FHIT: variants seen among roughly 807,000 people sequenced by gnomAD.
FHIT encodes the protein bis(5'-adenosyl)-triphosphatase.
A neutral mutation model predicts 17.9 loss-of-function variants in FHIT; 19 were observed. The ratio of observed to expected loss-of-function variants is 1.06; its 90% confidence interval spans 0.74 to 1.56. The LOEUF (loss-of-function observed/expected upper bound fraction) is 1.56, where lower values mean the gene tolerates loss of function less well. FHIT is among the 40% of genes most tolerant of loss of function. FHIT has a pLI of 0.00. For synonymous variants in FHIT, 81 were observed against 69.7 expected, an observed-to-expected ratio of 1.16 and a Z score of -0.81; for missense variants, 248 against 189.2, an observed-to-expected ratio of 1.31 and a Z score of -1.82.
chr3:60,403,634 G>A (rs749451688), intron 5 of FHIT, among the ~76,000 whole-genome samples: 10 of 152,068 alleles, frequency 6.6e-5, no homozygotes, highest in Admixed American at 2.0e-4. Context: ...TCCAGAAAGC[G>A]TCCTGCCCCA....
intron 4 of FHIT, chr3:60,690,331 C>T (rs1321624861): frequency 3.5e-6 from 2 of 567,978 alleles, no homozygotes; most frequent in Non-Finnish European, 6.9e-6. Flanking sequence ...TTTCACCCTG[C>T]CAAAGACCAC....
chr3:60,297,452 CAT>C (rs1317451632), intron 5 of FHIT, among the ~76,000 whole-genome samples: 1 of 151,918 alleles, frequency 6.6e-6, no homozygotes, highest in African/African-American at 2.4e-5. Flanking sequence ...TATAAATAAA[CAT>C]AGTTGGTTTC....
intron 5 of FHIT, among the ~76,000 whole-genome samples, chr3:60,281,422 A>G (rs771538531): frequency 2.6e-5 from 4 of 152,176 alleles, no homozygotes; most frequent in African/African-American, 7.2e-5. Flanking sequence ...ATACTACTCA[A>G]CTTTAAGACT....
intron 7 of FHIT, among the ~76,000 whole-genome samples, chr3:59,946,291 T>C (rs574005559): frequency 1.9e-4 from 29 of 152,204 alleles, no homozygotes; most frequent in Non-Finnish European, 4.0e-4. Context: ...CTATTGTGAA[T>C]GGGACTGCAT....
At chr3:60,127,598 AT>A (rs922211109) in intron 5 of FHIT, among the ~76,000 whole-genome samples, 1 of 152,034 alleles carries the variant, frequency 6.6e-6, no homozygotes, top group African/African-American at 2.4e-5. Flanking sequence ...CATTTTATTT[AT>A]TTTTTATATC....
At chr3:60,402,076 T>G (rs1701679276) in intron 5 of FHIT, among the ~76,000 whole-genome samples, 1 of 152,106 alleles carries the variant, frequency 6.6e-6, no homozygotes, top group South Asian at 2.1e-4. Context: ...GGCTATTGTT[T>G]CCCCCATCCC....
At chr3:61,175,999 C>T (rs935141257) in intron 2 of FHIT, among the ~76,000 whole-genome samples, 1 of 152,236 alleles carries the variant, frequency 6.6e-6, no homozygotes, top group Non-Finnish European at 1.5e-5. Flanking sequence ...GATCTTTTCT[C>T]ATCTTTGCAT....
At chr3:60,124,273 G>C (rs1269233375) in intron 5 of FHIT, among the ~76,000 whole-genome samples, 1 of 151,444 alleles carries the variant, frequency 6.6e-6, no homozygotes. Flanking sequence ...AGACCAGTTT[G>C]AAGACTAGCC....
In FHIT at chr3:60,718,779, A is replaced by G. The variant is rs114395482; in HGVS notation, c.-18+103140T>C. ...TAAGGTCCAATTAATTTGAAAACTC[A>G]TGAGTTATATAGAATTAAACAAATT... On this transcript the variant is annotated intron_variant, in intron 4 of 9. Coordinates refer to ENST00000492590, the MANE Select transcript of FHIT (RefSeq NM_002012.4). Among the ~76,000 whole-genome samples, 486 of 152,358 alleles carry G rather than the reference A, an allele frequency of 3.2e-3. 4 individuals carry two copies. The highest frequency in any genetic ancestry group is 0.011 in the African/African-American group (465 of 41,582).
intron 4 of FHIT, chr3:60,690,519 G>A: frequency 1.8e-6 from 1 of 561,418 alleles, no homozygotes; most frequent in Admixed American, 1.9e-5. Flanking sequence ...TATGGCATGT[G>A]AAGTCACCAC....
intron 5 of FHIT, among the ~76,000 whole-genome samples, chr3:60,072,111 A>G (rs536938713): frequency 1.3e-5 from 2 of 152,358 alleles, no homozygotes; most frequent in South Asian, 4.1e-4. Context: ...GTAGGAAGGA[A>G]AGACAAAGGT....
At chr3:59,843,668 A>C (rs1369275048) in intron 8 of FHIT, among the ~76,000 whole-genome samples, 1 of 151,840 alleles carries the variant, frequency 6.6e-6, no homozygotes, top group Non-Finnish European at 1.5e-5. Context: ...TTAATTCTCA[A>C]TTTTCTTTTC....
intron 3 of FHIT, among the ~76,000 whole-genome samples, chr3:60,859,852 T>G (rs1221398876): frequency 7.1e-6 from 1 of 140,442 alleles, no homozygotes; most frequent in Non-Finnish European, 1.5e-5. Context: ...AAGACCAGCC[T>G]GGCCAACATG....
chr3:59,802,688 T>C (rs955268805), intron 8 of FHIT, among the ~76,000 whole-genome samples: 29 of 152,192 alleles, frequency 1.9e-4, no homozygotes, highest in African/African-American at 6.3e-4. Flanking sequence ...AAAGCTTTAT[T>C]GCTCACATAA....
At chr3:60,952,875 T>C (rs993867057) in intron 3 of FHIT, among the ~76,000 whole-genome samples, 7 of 152,258 alleles carry the variant, frequency 4.6e-5, no homozygotes, top group African/African-American at 1.4e-4. Flanking sequence ...TTCAACCTAA[T>C]ATAAAACCAT....
At position 60,211,580 on chromosome 3, in the gene FHIT, A is replaced by G. The variant is rs181003228; in HGVS notation, c.104-197428T>C. ...TTTCTAGCGATTTTATTTAAGATAC[A>G]TAACAATTTAAAGGAAAACTCTAAA... On this transcript the variant is annotated intron_variant, in intron 5 of 9. Transcript: ENST00000492590. 4.3e-4 allele frequency among the ~76,000 whole-genome samples: 65 copies of G among 152,336 alleles called. 1 individual carries two copies. The South Asian group carries it at 6.0e-3, about 14-fold the overall frequency.
intron 8 of FHIT, among the ~76,000 whole-genome samples, chr3:59,811,131 GACACA>G (rs1367427090): frequency 1.3e-5 from 2 of 152,152 alleles, no homozygotes; most frequent in Non-Finnish European, 2.9e-5. Context: ...ATGTCACATG[GACACA>G]ACACAACGTC....
At chr3:61,110,617 T>C (rs927163443) in intron 2 of FHIT, among the ~76,000 whole-genome samples, 1 of 152,180 alleles carries the variant, frequency 6.6e-6, no homozygotes, top group Non-Finnish European at 1.5e-5. Flanking sequence ...GTTCTACTCA[T>C]TCTTCTGCCT....
chr3:60,662,964 C>A (rs2040293868), intron 4 of FHIT, among the ~76,000 whole-genome samples: 1 of 151,292 alleles, frequency 6.6e-6, no homozygotes, highest in African/African-American at 2.4e-5. Flanking sequence ...ATGTCTAATG[C>A]TCTAGCATCA....
Sources: gnomAD v4.1 joint callset for allele counts (sites outside exome capture counted in the v4.1 genomes callset) on GRCh38, gnomAD v4.1.1 for gene constraint, MANE v1.5 for transcripts, NCBI Gene and HGNC (gene_info 2026-07-23, HGNC 2026-07-21) for gene names.